Variants in ADGRD1 observed in about 807,000 individuals in gnomAD.
The protein encoded by ADGRD1 is G-protein coupled receptor 133.
In ADGRD1, 77 loss-of-function variants were observed where a neutral mutation model predicts 113.4. The ratio of observed to expected loss-of-function variants is 0.68; its 90% CI spans 0.57 to 0.82. The LOEUF is 0.82. Ranked by LOEUF, ADGRD1 falls within the 40% of genes least tolerant of loss-of-function variation. ADGRD1 has a pLI of 0.00. For synonymous variants in ADGRD1, 474 were observed against 475.0 expected, an observed-to-expected ratio of 1.00 and a Z score of 0.03; for missense variants, 1,036 against 1,139.1, an observed-to-expected ratio of 0.91 and a Z score of 1.30.
At chr12:131,076,442 C>T (rs1210242138) in intron 13 of ADGRD1, among the ~76,000 whole-genome samples, 2 of 152,172 alleles carry the variant, frequency 1.3e-5, no homozygotes, top group South Asian at 2.1e-4. Flanking sequence ...CTGCAGAGGC[C>T]TGGTAGGGAG....
At chr12:130,988,567 T>C (rs1347800898) in intron 6 of ADGRD1, 1 of 152,214 alleles carries the variant, frequency 6.6e-6, no homozygotes, top group East Asian at 1.9e-4. Context: ...AAGAAAGCCA[T>C]GTGTTTCTTT....
Position 131,096,748 on chromosome 12 carries a change from CA to C in ADGRD1, c.1672-8082del, listed in dbSNP as rs1488901065. ...GTGGGGCACTGCCAGTCCAGGTTTACATCGCCACAACTGTTTAAAGCAGCCA... is the reference window on the plus strand; with the variant it reads ...GTGGGGCACTGCCAGTCCAGGTTTACTCGCCACAACTGTTTAAAGCAGCCA... On this transcript the variant is annotated intron_variant, in intron 15 of 24. Coordinates refer to ENST00000261654, the MANE Select transcript of ADGRD1 (RefSeq NM_198827.5). This position sits in a 1 kb window ranked among gnomAD's most constrained non-coding sequence, Gnocchi z 5.2. Among the ~76,000 whole-genome samples the C allele has an allele frequency of 6.6e-6, 1 of 152,182 alleles. No individual in the cohort carries two copies. Among genetic ancestry groups the C allele is most frequent in the Non-Finnish European group, 1.5e-5 (1 of 68,040 alleles).
chr12:131,021,667 C>A (rs1057090712), intron 13 of ADGRD1, among the ~76,000 whole-genome samples: 3 of 152,138 alleles, frequency 2.0e-5, no homozygotes, highest in East Asian at 3.9e-4. Context: ...CTCCCTATGT[C>A]CTCACATGGT....
chr12:131,095,499 T>C (rs943699258), intron 15 of ADGRD1, among the ~76,000 whole-genome samples: 1 of 152,208 alleles, frequency 6.6e-6, no homozygotes, highest in Non-Finnish European at 1.5e-5. Context: ...TCTGGGGTGG[T>C]CCTGTCTTGG....
At chr12:131,070,084 C>G (rs536881957) in intron 13 of ADGRD1, 1 of 152,260 alleles carries the variant, frequency 6.6e-6, no homozygotes, top group African/African-American at 2.4e-5. Context: ...CTGTCCTGAG[C>G]ATGAACATCC....
chr12:131,031,510 C>G (rs552699728), intron 13 of ADGRD1, among the ~76,000 whole-genome samples: 1 of 152,244 alleles, frequency 6.6e-6, no homozygotes, highest in African/African-American at 2.4e-5. Context: ...TTGCTCACAG[C>G]TTCTCAGATT....
rs1317160641 is a variant in ADGRD1 at position 131,140,566 on chromosome 12, C to T, written c.*1303C>T. On this transcript the variant is annotated 3_prime_UTR_variant, in exon 25 of 25. Coordinates refer to ENST00000261654, the MANE Select transcript of ADGRD1 (RefSeq NM_198827.5). Reference sequence around the variant, plus strand: ...TGAAATGTGGGTAAGACATTCAAACCTGGTTTTGATACTGGAAACTCTTCC... The same window carrying T: ...TGAAATGTGGGTAAGACATTCAAACTTGGTTTTGATACTGGAAACTCTTCC... 6.6e-6 allele frequency: 1 copy of T among 152,026 alleles called. No individual in the cohort carries two copies. The highest frequency in any genetic ancestry group is 1.5e-5 in the Non-Finnish European group (1 of 68,044). The allele number at this position is 152,026 out of a possible 1,614,324, so 9.4% of individuals were successfully genotyped here.
intron 18 of ADGRD1, among the ~76,000 whole-genome samples, chr12:131,116,332 C>T (rs901072583): frequency 2.0e-5 from 3 of 152,222 alleles, no homozygotes; most frequent in Non-Finnish European, 2.9e-5. Context: ...CAGAGGCTGC[C>T]TGGTCTCCTT....
intron 15 of ADGRD1, among the ~76,000 whole-genome samples, chr12:131,090,018 GTGTT>G (rs1886799829): frequency 6.6e-6 from 1 of 152,168 alleles, no homozygotes; most frequent in African/African-American, 2.4e-5. Flanking sequence ...TGTGTGTTGT[GTGTT>G]TGTGGTAGAG....
In ADGRD1 at chr12:131,087,096, G is replaced by T. The variant is rs145519329; in HGVS notation, c.1671+2433G>T. 2.8e-4 allele frequency among the ~76,000 whole-genome samples: 43 copies of T among 152,168 alleles called. No individual in the cohort carries two copies. In the East Asian group the frequency reaches 8.3e-3, roughly 29 times the overall value. On this transcript the variant is annotated intron_variant, in intron 15 of 24. Coordinates refer to ENST00000261654, the MANE Select transcript of ADGRD1 (RefSeq NM_198827.5). Reference sequence around the variant, plus strand: ...AATTTTAAATTTTTTCGTAGCAATGGGTTCTCACCATGTTCCTCAGGCTGG... The same window carrying T: ...AATTTTAAATTTTTTCGTAGCAATGTGTTCTCACCATGTTCCTCAGGCTGG...
At chr12:130,990,501 G>A (rs576307867) in intron 6 of ADGRD1, 1 of 153,164 alleles carries the variant, frequency 6.5e-6, no homozygotes. Context: ...TGGGGGCTGA[G>A]TGCAAAGAAT....
rs985996229 is a variant in ADGRD1 at position 130,981,960 on chromosome 12, C to A, written c.387C>A (p.Val129=). The A allele has an allele frequency of 6.2e-7, 1 of 1,613,564 alleles. No homozygotes were observed. The highest frequency in any genetic ancestry group is 8.5e-7 in the Non-Finnish European group (1 of 1,179,478). ...TCCCTTCTGCGTATGGGGGACAGGT[C>A]ATCTCCAATGGGTTCAAAGTCTGCT... ...RPIPSAYGGQ[V]ISNGFKVCSS... is the part of the protein sequence containing the mutation. Residue 129 remains valine (V), a synonymous_variant, in exon 5 of 25, where the codon GTC becomes GTA. Transcript: ENST00000261654.
intron 8 of ADGRD1, among the ~76,000 whole-genome samples, chr12:130,998,098 G>C (rs1301736541): frequency 6.6e-6 from 1 of 152,148 alleles, no homozygotes; most frequent in Non-Finnish European, 1.5e-5. Context: ...CAGGCAGGGA[G>C]GTTGCAGTGA....
At chr12:131,120,810 G>A (rs774137859) in intron 19 of ADGRD1, 37 bp from the exon 20 acceptor site, 17 of 1,610,276 alleles carry the variant, frequency 1.1e-5, no homozygotes, top group Non-Finnish European at 1.4e-5. Context: ...CAGGTGGAAC[G>A]AGGTTGTTGA....
chr12:131,065,473 A>C (rs1222164392), intron 13 of ADGRD1, among the ~76,000 whole-genome samples: 1 of 152,214 alleles, frequency 6.6e-6, no homozygotes, highest in Non-Finnish European at 1.5e-5. Context: ...CTGGAGACAG[A>C]ACCGGAGTCA....
At chr12:131,009,819 A>G (rs1428599786) in intron 12 of ADGRD1, among the ~76,000 whole-genome samples, 3 of 152,172 alleles carry the variant, frequency 2.0e-5, no homozygotes, top group Admixed American at 6.5e-5. Context: ...CATGTGTGGT[A>G]TGTGTGTGTC....
chr12:130,962,690 T>C (rs778122800), intron 2 of ADGRD1: 3 of 152,226 alleles, frequency 2.0e-5, no homozygotes, highest in Non-Finnish European at 2.9e-5. Context: ...TACTTTCTAA[T>C]GTGCTACTTT....
chr12:131,074,411 T>C (rs1229691592), intron 13 of ADGRD1, among the ~76,000 whole-genome samples: 1 of 152,232 alleles, frequency 6.6e-6, no homozygotes, highest in Non-Finnish European at 1.5e-5. Flanking sequence ...TGAATGCGGC[T>C]GTCCCCCAAC....
chr12:131,004,999 G>A (rs746140425), intron 11 of ADGRD1, among the ~76,000 whole-genome samples: 9 of 152,232 alleles, frequency 5.9e-5, no homozygotes, highest in Non-Finnish European at 1.0e-4. Flanking sequence ...TCAGATTTTT[G>A]CCCCTGCCAC....
Sources: allele counts gnomAD v4.1 joint callset (sites outside exome capture counted in the v4.1 genomes callset), GRCh38; gene constraint gnomAD v4.1.1; non-coding constraint Gnocchi (gnomAD v3.1); transcripts MANE v1.5; gene names NCBI Gene and HGNC (gene_info 2026-07-23, HGNC 2026-07-21).